Variants in CEP72 observed in about 807,000 individuals in gnomAD.
CEP72 encodes centrosomal protein of 72 kDa.
A neutral mutation model predicts 65.7 loss-of-function variants in CEP72; 78 were observed. The observed-to-expected ratio is 1.19, with a 90% CI of 0.99 to 1.43. The LOEUF is 1.43. CEP72 is among the 40% of genes most tolerant of loss of function. The pLI, the probability that CEP72 is intolerant of heterozygous loss-of-function variation, is 0.00. For missense variants in CEP72, 914 were observed against 832.9 expected, an observed-to-expected ratio of 1.10 and a Z score of -1.20; for synonymous variants, 358 against 351.7, an observed-to-expected ratio of 1.02 and a Z score of -0.20.
chr5:672,912 G>T, the CEP72 span, among the ~76,000 whole-genome samples: 1 of 152,244 alleles, frequency 6.6e-6, no homozygotes, highest in South Asian at 2.1e-4. Context: ...AAACAAACAA[G>T]CGCTGCCATG....
intron 1 of CEP72, among the ~76,000 whole-genome samples, chr5:614,444 A>ATTTTT (rs11350475): frequency 1.1e-5 from 1 of 93,814 alleles, no homozygotes; most frequent in African/African-American, 4.2e-5. Flanking sequence ...TGACCTGTGA[A>ATTTTT]TTTTTTTTTT....
intron 9 of CEP72, chr5:643,180 G>C (rs1018685964): frequency 1.3e-5 from 13 of 981,978 alleles, no homozygotes; most frequent in Non-Finnish European, 1.6e-5. Flanking sequence ...CCTCTAGTTT[G>C]TGCGACAGAG....
In CEP72 at chr5:639,236, C is replaced by A; in HGVS notation, c.1342+12C>A. On this transcript the variant is annotated intron_variant, in intron 8 of 11. Coordinates refer to ENST00000264935, the MANE Select transcript of CEP72 (RefSeq NM_018140.4). ...CGAGGCATTCCTTGGTGAGTCAGGG[C>A]GGCCACTGCTCTTGCCCTGTAGGCA... The A allele has an allele frequency of 6.4e-7, 1 of 1,559,642 alleles. No individual in the cohort carries two copies. The highest frequency in any genetic ancestry group is 1.2e-5 in the South Asian group (1 of 84,448).
chr5:665,042 C>T lies in CEP72; in HGVS notation n.288-138C>T, dbSNP rs1739835657. The T allele has an allele frequency of 5.8e-6, 9 of 1,548,864 alleles. No homozygotes were observed. In the Admixed American group the frequency reaches 6.9e-5, roughly 12 times the overall value. ...GTTAGTACAGGAATGTAATGAAGTG[C>T]GAGGTGACAGAGTCCCTGCTCTGGG... On this transcript the variant is annotated intron_variant and non_coding_transcript_variant, in intron 2 of 4. Coordinates refer to the CEP72 transcript ENST00000514507.
intron 3 of CEP72, among the ~76,000 whole-genome samples, chr5:620,594 T>C (rs925630336): frequency 6.6e-6 from 1 of 152,222 alleles, no homozygotes; most frequent in African/African-American, 2.4e-5. Context: ...TCCTGTCCTG[T>C]TTCCTCGCAT....
chr5:660,859 C>A (rs1363664086), downstream of CEP72: 1 of 152,172 alleles, frequency 6.6e-6, no homozygotes, highest in Non-Finnish European at 1.5e-5. Flanking sequence ...TCCCTGGGGC[C>A]CGGGATGGAG....
the CEP72 span, chr5:675,810 C>G: frequency 2.6e-5 from 4 of 152,258 alleles, no homozygotes; most frequent in Non-Finnish European, 5.9e-5. Context: ...ATGGCCCTTT[C>G]CGAGGCCGGG....
At chr5:668,159 C>A (rs78353688), downstream of CEP72, among the ~76,000 whole-genome samples, 33 of 60,964 alleles carry the variant, frequency 5.4e-4, 2 homozygotes, top group Admixed American at 9.4e-4. Flanking sequence ...AGGGAAGTAC[C>A]GACAAGCACA....
At chr5:640,267 C>T (rs894579106) in intron 8 of CEP72, 141 bp from the exon 9 acceptor site, 19 of 1,135,824 alleles carry the variant, frequency 1.7e-5, no homozygotes, top group African/African-American at 9.4e-5. Flanking sequence ...GGTTTTGTGG[C>T]GCCAACACCC....
At chr5:619,151 C>T in intron 2 of CEP72, 34 bp downstream of exon 2, 1 of 1,595,172 alleles carries the variant, frequency 6.3e-7, no homozygotes, top group African/African-American at 1.3e-5. Flanking sequence ...AAATTTATTG[C>T]TATCAACATC....
intron 11 of CEP72, among the ~76,000 whole-genome samples, chr5:649,634 T>A (rs62650522): frequency 1.3e-4 from 1 of 7,804 alleles, no homozygotes; most frequent in Non-Finnish European, 2.6e-4. Flanking sequence ...GACTGTGAGG[T>A]GTGACTGTGA....
intron 7 of CEP72, among the ~76,000 whole-genome samples, chr5:638,455 A>G (rs1272925890): frequency 6.6e-6 from 1 of 151,860 alleles, no homozygotes; most frequent in African/African-American, 2.4e-5. Context: ...ACTTGCCACA[A>G]CGAGGGCTTC....
rs770479723 is a variant in CEP72, at chr5:665,322, GC to G, written n.431del. The stretch of plus-strand genomic sequence containing the variant: ...CTGCAAGAGGAGCAGGAGGAAGGGG[GC>G]AGGTGAGTTGCGAGCCAGGTGAGGC... On this transcript the variant is annotated splice_region_variant and non_coding_transcript_exon_variant, in exon 3 of 5. Coordinates refer to the CEP72 transcript ENST00000514507. 2.9e-5 allele frequency: 46 copies of G among 1,599,756 alleles called. No individual in the cohort carries two copies. In the Admixed American group the frequency reaches 6.5e-4, roughly 23 times the overall value.
At chr5:665,334 C>A (rs750159947) in intron 3 of CEP72, 53 of 1,579,136 alleles carry the variant, frequency 3.4e-5, no homozygotes, top group Non-Finnish European at 4.3e-5. Flanking sequence ...AGGTGAGTTG[C>A]GAGCCAGGTG....
downstream of CEP72, among the ~76,000 whole-genome samples, chr5:657,376 C>G (rs561211261): frequency 5.3e-5 from 8 of 152,272 alleles, no homozygotes; most frequent in South Asian, 2.1e-4. Context: ...CAGCCACTTA[C>G]GATTTTCCTT....
At position 640,589 on chromosome 5, in the gene CEP72, C is replaced by T. The variant is rs62001010; in HGVS notation, c.1524C>T (p.His508=). The change falls in exon 9 of 12, where the codon CAC becomes CAT. Residue 508 remains histidine (H), a synonymous_variant. Coordinates refer to ENST00000264935, the MANE Select transcript of CEP72 (RefSeq NM_018140.4). The part of the protein sequence containing the change: ...EMSEVTAELH[H]THKELDDLRQ... ...GCGAGGTGACGGCGGAGCTGCACCACACACACAAGGAGCTGGTGAGCCCGC... is the reference window on the plus strand; with the variant it reads ...GCGAGGTGACGGCGGAGCTGCACCATACACACAAGGAGCTGGTGAGCCCGC... The T allele has an allele frequency of 9.4e-3, 15,165 of 1,612,690 alleles. 985 individuals carry two copies. The African/African-American group carries it at 0.16, about 17-fold the overall frequency.
In CEP72 at chr5:619,314, C is replaced by T. The variant is rs932592017; in HGVS notation, c.210+197C>T. On this transcript the variant is annotated intron_variant, in intron 2 of 11. Transcript: ENST00000264935. ...ACGTTGTGTTGTCGCCCTCTGATGA[C>T]GATGATTATATCTTTAAAGGAAATG... Among the ~76,000 whole-genome samples the T allele has an allele frequency of 5.9e-5, 9 of 152,250 alleles. No individual in the cohort carries two copies. The South Asian group carries it at 8.3e-4, about 14-fold the overall frequency.
downstream of CEP72, among the ~76,000 whole-genome samples, chr5:668,192 C>T (rs1477046684): frequency 8.2e-6 from 1 of 122,676 alleles, no homozygotes; most frequent in Non-Finnish European, 1.8e-5. Context: ...CGCGTGGGCG[C>T]CGTCAGGGAA....
the CEP72 span, among the ~76,000 whole-genome samples, chr5:674,921 G>A: frequency 3.3e-5 from 5 of 151,516 alleles, no homozygotes; most frequent in Admixed American, 2.0e-4. Context: ...AGAGTCAGGC[G>A]CCAGTTGCTT....
Sources: gnomAD v4.1 joint callset for allele counts (sites outside exome capture counted in the v4.1 genomes callset) on GRCh38, gnomAD v4.1.1 for gene constraint, MANE v1.5 for transcripts, NCBI Gene and HGNC (gene_info 2026-07-23, HGNC 2026-07-21) for gene names.